The following NDUFA10 variants were observed in gnomAD, a reference collection of about 807,000 sequenced individuals.
NDUFA10 encodes NADH dehydrogenase [ubiquinone] 1 alpha subcomplex subunit 10, mitochondrial.
In NDUFA10, 40 loss-of-function variants were observed where a neutral mutation model predicts 47.8. The ratio of observed to expected loss-of-function variants is 0.84; its 90% CI spans 0.65 to 1.09. NDUFA10 has a LOEUF of 1.09. NDUFA10 is among the 50% of genes least tolerant of loss of function. The pLI is 0.00. For synonymous variants in NDUFA10, 183 were observed against 172.2 expected (o/e 1.06, Z -0.49); for missense variants, 413 against 451.1 (o/e 0.92, Z 0.76).
At chr2:239,921,137 T>C (rs1325544762) in intron 4 of NDUFA10, among the ~76,000 whole-genome samples, 1 of 152,074 alleles carries the variant, frequency 6.6e-6, no homozygotes, top group African/African-American at 2.4e-5. Context: ...AAGGAAACTT[T>C]AGGGCAGGTC....
At chr2:239,984,619 T>C (rs2106434166) in intron 9 of NDUFA10, among the ~76,000 whole-genome samples, 1 of 152,330 alleles carries the variant, frequency 6.6e-6, no homozygotes, top group East Asian at 1.9e-4. Context: ...GCTCACCATG[T>C]AACTGTTAAA....
At chr2:239,974,331 T>C (rs988017924) in intron 9 of NDUFA10, among the ~76,000 whole-genome samples, 1 of 152,194 alleles carries the variant, frequency 6.6e-6, no homozygotes, top group Non-Finnish European at 1.5e-5. Flanking sequence ...ATCAGGACAC[T>C]AGCCAGACAA....
chr2:239,946,409 G>A (rs993490929), intron 4 of NDUFA10, among the ~76,000 whole-genome samples: 20 of 152,194 alleles, frequency 1.3e-4, no homozygotes, highest in Non-Finnish European at 7.3e-5. Flanking sequence ...TCGTTAACCC[G>A]CATGCTCTGT....
At chr2:240,002,793 T>C (rs1423437976) in intron 8 of NDUFA10, among the ~76,000 whole-genome samples, 1 of 151,838 alleles carries the variant, frequency 6.6e-6, no homozygotes, top group African/African-American at 2.4e-5. Flanking sequence ...GTAGAATGAC[T>C]AGTTTTTTTT....
At chr2:240,012,160 G>A (rs562538375) in intron 5 of NDUFA10, 5 of 211,908 alleles carry the variant, frequency 2.4e-5, no homozygotes, top group East Asian at 1.1e-4. Flanking sequence ...CCATCTCCCC[G>A]CAACCACTTC....
intron 4 of NDUFA10, among the ~76,000 whole-genome samples, chr2:239,899,238 C>T (rs867752869): frequency 0.017 from 10 of 572 alleles, no homozygotes; most frequent in East Asian, 0.083. Context: ...AGGGGTGTGA[C>T]GGAGGGGTGT....
intron 4 of NDUFA10, among the ~76,000 whole-genome samples, chr2:239,948,381 G>A (rs1694492366): frequency 6.6e-6 from 1 of 152,206 alleles, no homozygotes; most frequent in African/African-American, 2.4e-5. Flanking sequence ...AGCCCCCAGG[G>A]GACAGAAAGT....
intron 4 of NDUFA10, among the ~76,000 whole-genome samples, chr2:239,948,260 G>C (rs1694491081): frequency 6.6e-6 from 1 of 152,202 alleles, no homozygotes; most frequent in Non-Finnish European, 1.5e-5. Context: ...ACGAAGCCAG[G>C]CTGTGCTCCG....
At chr2:239,984,929 C>T (rs191616801) in intron 9 of NDUFA10, among the ~76,000 whole-genome samples, 42 of 152,334 alleles carry the variant, frequency 2.8e-4, no homozygotes, top group African/African-American at 9.6e-4. Flanking sequence ...GCAAAAATGG[C>T]CTCTCAGTAA....
At chr2:239,912,477 G>C (rs986613386) in intron 4 of NDUFA10, among the ~76,000 whole-genome samples, 2 of 152,204 alleles carry the variant, frequency 1.3e-5, no homozygotes, top group Non-Finnish European at 2.9e-5. Flanking sequence ...ACACATGCTG[G>C]AGCCAGGCGA....
At chr2:239,937,442 A>G (rs2106376708) in intron 4 of NDUFA10, among the ~76,000 whole-genome samples, 1 of 152,262 alleles carries the variant, frequency 6.6e-6, no homozygotes, top group South Asian at 2.1e-4. Context: ...AGTTCTGGAC[A>G]TGTCAAGTAA....
At chr2:239,980,226 C>T (rs1000643414) in intron 9 of NDUFA10, among the ~76,000 whole-genome samples, 4 of 152,164 alleles carry the variant, frequency 2.6e-5, no homozygotes, top group South Asian at 2.1e-4. Context: ...GTGCCTGGCA[C>T]GATAAAGATC....
At position 239,987,307 on chromosome 2, in the gene NDUFA10, C is replaced by G. The variant is rs1696038859; in HGVS notation, c.999+2767G>C. ...AATTACACATTCAAGCCACGATTCT[C>G]AAACCAGGCGCTGTGCATCGACAGG... On this transcript the variant is annotated intron_variant, in intron 9 of 9. Transcript: ENST00000252711. The surrounding 1 kb of genome is among the most constrained non-coding windows in gnomAD (Gnocchi z 4.8). 6.6e-6 allele frequency among the ~76,000 whole-genome samples: 1 copy of G among 152,030 alleles called. No individual in the cohort carries two copies. The highest frequency in any genetic ancestry group is 6.6e-5 in the Admixed American group (1 of 15,262).
intron 6 of NDUFA10, among the ~76,000 whole-genome samples, chr2:240,008,090 G>A (rs114309658): frequency 3.6e-4 from 55 of 152,256 alleles, no homozygotes; most frequent in African/African-American, 1.2e-3. Flanking sequence ...ATTAAATTAC[G>A]TAGTACAGGT....
intron 9 of NDUFA10, among the ~76,000 whole-genome samples, chr2:239,984,523 T>C (rs1377633445): frequency 6.6e-6 from 1 of 152,240 alleles, no homozygotes; most frequent in Non-Finnish European, 1.5e-5. Context: ...CAATATCATA[T>C]ATTCTCTTAG....
intron 4 of NDUFA10, among the ~76,000 whole-genome samples, chr2:239,944,210 C>T (rs758781825): frequency 3.3e-5 from 5 of 152,250 alleles, no homozygotes; most frequent in Non-Finnish European, 2.9e-5. Flanking sequence ...CTGCCAAGAT[C>T]CTGAGGCCAT....
At chr2:239,985,407 C>T (rs530124179) in intron 9 of NDUFA10, among the ~76,000 whole-genome samples, 4 of 150,450 alleles carry the variant, frequency 2.7e-5, no homozygotes, top group South Asian at 2.1e-4. Context: ...CAGATTAGAA[C>T]GAGCTGAAAG....
rs5007760 is a variant in NDUFA10 at position 239,899,492 on chromosome 2, T to C, written c.295-4178A>G. Reference sequence around the variant, plus strand: ...GGAGGGGTGTGATGGAGAGGTGTGATGGAGGGGTGTGATGGTCCCTTCCAC... The same window carrying C: ...GGAGGGGTGTGATGGAGAGGTGTGACGGAGGGGTGTGATGGTCCCTTCCAC... On this transcript the variant is annotated intron_variant, in intron 4 of 5. Transcript: ENST00000419408. Among the ~76,000 whole-genome samples, 210 of 123,696 alleles carry C rather than the reference T, an allele frequency of 1.7e-3. 3 individuals are homozygous for C. The Middle Eastern group carries it at 0.028, about 17-fold the overall frequency. 81.1% of individuals were successfully genotyped at this position (123,696 alleles called of 152,430 possible).
rs994673936 is a variant in NDUFA10, at chr2:240,016,787, C to T, written c.547+1766G>A. Among the ~76,000 whole-genome samples, 1 of 152,176 alleles carries T rather than the reference C, an allele frequency of 6.6e-6. No homozygotes were observed. The highest frequency in any genetic ancestry group is 1.5e-5 in the Non-Finnish European group (1 of 68,030). ...CCCCCAACGCCTGCAGACTCCAGCC[C>T]AGGCCAGTCCTCAGACTTCAGCAGA... On this transcript the variant is annotated intron_variant, in intron 4 of 9. Coordinates refer to ENST00000252711, the MANE Select transcript of NDUFA10 (RefSeq NM_004544.4). This position sits in a 1 kb window ranked among gnomAD's most constrained non-coding sequence, Gnocchi z 4.4.
Sources: gnomAD v4.1 joint callset for allele counts (sites outside exome capture counted in the v4.1 genomes callset) on GRCh38, gnomAD v4.1.1 for gene constraint, Gnocchi (gnomAD v3.1) non-coding constraint, MANE v1.5 for transcripts, NCBI Gene and HGNC (gene_info 2026-07-23, HGNC 2026-07-21) for gene names.